Variants in EEA1 observed in about 807,000 individuals in gnomAD.
The protein encoded by EEA1 is early endosome antigen 1.
Under a neutral mutation model 209.2 loss-of-function variants are expected in EEA1, and 111 were observed. The ratio of observed to expected loss-of-function variants is 0.53; its 90% CI spans 0.45 to 0.62. EEA1 has a LOEUF of 0.62. EEA1 is among the 20% of genes least tolerant of loss of function. The pLI, the probability that EEA1 is intolerant of heterozygous loss-of-function variation, is 0.00. For missense variants in EEA1, 1,343 were observed against 1,530.8 expected (o/e 0.88, Z 2.05); for synonymous variants, 536 against 540.6 (o/e 0.99, Z 0.12).
chr12:92,852,345 T>C (rs774715954), intron 7 of EEA1, 49 bp from the exon 8 acceptor site: 23 of 1,368,880 alleles, frequency 1.7e-5, no homozygotes, highest in Non-Finnish European at 2.1e-5. Context: ...AGGACAGTTT[T>C]ATAAGTTTCC....
chr12:92,892,922 G>A (rs556758311), intron 1 of EEA1, among the ~76,000 whole-genome samples: 78 of 152,230 alleles, frequency 5.1e-4, no homozygotes, highest in Non-Finnish European at 2.9e-4. Context: ...GAGCCACAGC[G>A]CCCAGCCGGC....
In EEA1 at chr12:92,816,326, C is replaced by G. The variant is rs1234456932; in HGVS notation, c.1803G>C (p.Gln601His). ...TAAGATGTGCCTTCTGCTCTTGTAC[C>G]TGGTCATGCAAATTCTCCTGGGCTT... ...HKQAQENLHD[Q>H]VQEQKAHLRA... The change falls in exon 15 of 29, where the codon CAG (glutamine) becomes CAC (histidine). Residue 601 changes from glutamine (Q) to histidine (H), a missense_variant. By Grantham distance (24) the Gln-to-His change is conservative. This residue lies in a region of EEA1 where 1,307 missense variants were observed against 1,465.5 expected (regional missense o/e 0.89). Transcript: ENST00000322349. The G allele has an allele frequency of 6.2e-7, 1 of 1,613,930 alleles. No homozygotes were observed. Among genetic ancestry groups the G allele is most frequent in the South Asian group, 1.1e-5 (1 of 91,078 alleles).
intron 18 of EEA1, among the ~76,000 whole-genome samples, chr12:92,807,304 A>G (rs781657452): frequency 1.3e-5 from 2 of 152,148 alleles, no homozygotes; most frequent in Non-Finnish European, 2.9e-5. Flanking sequence ...TCAATCTGAT[A>G]AAGGGAATCT....
Position 92,929,041 on chromosome 12 carries a change from A to G in EEA1, c.24+2T>C. ...GCCAGAAAGACGGTTTCACTCTCTTACCCTCTGTAAAATCCTCCTTAACAT... is the reference window on the plus strand; with the variant it reads ...GCCAGAAAGACGGTTTCACTCTCTTGCCCTCTGTAAAATCCTCCTTAACAT... On this transcript the variant is annotated splice_donor_variant, in intron 1 of 28. Transcript: ENST00000322349. LOFTEE classifies it high-confidence loss of function. The G allele has an allele frequency of 6.3e-7, 1 of 1,596,268 alleles. No individual in the cohort carries two copies. The highest frequency in any genetic ancestry group is 8.5e-7 in the Non-Finnish European group (1 of 1,172,124).
chr12:92,883,847 C>G, intron 2 of EEA1: 1 of 1,603,240 alleles, frequency 6.2e-7, no homozygotes, highest in Middle Eastern at 2.3e-4. Context: ...AGCTTTAAAA[C>G]AACCGATGAG....
intron 10 of EEA1, among the ~76,000 whole-genome samples, chr12:92,835,857 C>T (rs911201445): frequency 1.3e-5 from 2 of 152,126 alleles, no homozygotes; most frequent in African/African-American, 4.8e-5. Context: ...AGTACCGAAA[C>T]CACTTTCTTT....
At chr12:92,913,172 C>T (rs2264422) in intron 1 of EEA1, among the ~76,000 whole-genome samples, 93,860 of 152,062 alleles carry the variant, frequency 0.62, 29,731 homozygotes, top group East Asian at 0.94. Context: ...AATGTATGGG[C>T]ATTCCCTTTT....
rs983735247 is a variant in EEA1, at chr12:92,817,267, T to C, written c.1729-867A>G. Among the ~76,000 whole-genome samples, 5 of 145,948 alleles carry C rather than the reference T, an allele frequency of 3.4e-5. No homozygotes were observed. In the East Asian group the frequency reaches 7.7e-4, roughly 22 times the overall value. On this transcript the variant is annotated intron_variant, in intron 14 of 28. Transcript: ENST00000322349. ...GCCTTGTCTTTTACGTTCACTGATA[T>C]TGCTTTCTACTTGCTTAATCTATTA... is the stretch of plus-strand genomic sequence containing the variant.
chr12:92,816,632 A>G (rs1565820205), intron 14 of EEA1, among the ~76,000 whole-genome samples: 1 of 152,236 alleles, frequency 6.6e-6, no homozygotes, highest in East Asian at 1.9e-4. Flanking sequence ...GCTGTAAGTT[A>G]TATAAAATTC....
rs761012125 is a variant in EEA1 at position 92,802,547 on chromosome 12, T to C, written c.2527A>G (p.Lys843Glu). 6.2e-7 allele frequency: 1 copy of C among 1,601,194 alleles called. No homozygotes were observed. Among genetic ancestry groups the C allele is most frequent in the Admixed American group, 1.8e-5 (1 of 56,678 alleles). Residue 843 changes from lysine (K) to glutamate (E), a missense_variant, in exon 19 of 29, where the codon AAA (lysine) becomes GAA (glutamate). Lys to Glu is a moderately conservative substitution (Grantham distance 56). This residue lies in a region of EEA1 where 1,307 missense variants were observed against 1,465.5 expected (regional missense o/e 0.89). Transcript: ENST00000322349. Reference sequence around the variant, plus strand: ...AAAGCTTCTTTCTCCATTTTCACTTTTTGTAGTTCTGTTACTGTTGTTTGA... The same window carrying C: ...AAAGCTTCTTTCTCCATTTTCACTTCTTGTAGTTCTGTTACTGTTGTTTGA... ...RIQTTVTELQ[K>E]VKMEKEALMT...
chr12:92,858,355 A>G, intron 3 of EEA1: 1 of 864,604 alleles, frequency 1.2e-6, no homozygotes, highest in Non-Finnish European at 2.0e-6. Context: ...CACATTGGAT[A>G]TGATGATTCT....
At chr12:92,801,930 C>T (rs1301068957) in intron 19 of EEA1, among the ~76,000 whole-genome samples, 1 of 151,888 alleles carries the variant, frequency 6.6e-6, no homozygotes, top group Non-Finnish European at 1.5e-5. Context: ...GTCACAATGG[C>T]ATATTTTAAA....
chr12:92,799,163 A>G (rs1057064060), intron 20 of EEA1, 77 bp from the exon 21 acceptor site: 11 of 1,256,508 alleles, frequency 8.8e-6, no homozygotes, highest in Non-Finnish European at 1.2e-5. Flanking sequence ...AGAAAAAAAA[A>G]TCTATTTAGC....
chr12:92,836,725 T>C (rs1381222176), intron 10 of EEA1, among the ~76,000 whole-genome samples: 1 of 152,206 alleles, frequency 6.6e-6, no homozygotes, highest in Non-Finnish European at 1.5e-5. Flanking sequence ...TAAAAAGTTA[T>C]GTTTTATACA....
intron 1 of EEA1, among the ~76,000 whole-genome samples, chr12:92,912,015 G>A (rs960808455): frequency 4.6e-5 from 7 of 152,048 alleles, no homozygotes; most frequent in Admixed American, 1.3e-4. Flanking sequence ...GGTTGATATC[G>A]AAAAGTTCTT....
Position 92,858,496 on chromosome 12 carries a change from T to C in EEA1, c.246-1011A>G, listed in dbSNP as rs745618836. The C allele has an allele frequency of 8.5e-6, 8 of 938,520 alleles. No homozygotes were observed. The East Asian group carries it at 1.7e-4, about 20-fold the overall frequency. 58.1% of individuals were successfully genotyped at this position (938,520 alleles called of 1,614,324 possible). On this transcript the variant is annotated intron_variant, in intron 3 of 28. Coordinates refer to ENST00000322349, the MANE Select transcript of EEA1 (RefSeq NM_003566.4). ...GGTGTTGGAGACCAGGGCTTGATGT[T>C]TGGCTACGCCACTGATGAAACTGAG...
chr12:92,871,967 G>A (rs987772853), intron 2 of EEA1, among the ~76,000 whole-genome samples: 6 of 152,022 alleles, frequency 3.9e-5, no homozygotes, highest in East Asian at 1.9e-4. Flanking sequence ...TGCCATCTCC[G>A]CCTCCGGGGT....
At chr12:92,786,379 T>C (rs779695524) in intron 22 of EEA1, among the ~76,000 whole-genome samples, 2 of 152,288 alleles carry the variant, frequency 1.3e-5, no homozygotes, top group African/African-American at 2.4e-5. Flanking sequence ...ATAATAATAA[T>C]TTAACACTAC....
chr12:92,871,236 G>A (rs923040436), intron 2 of EEA1, among the ~76,000 whole-genome samples: 5 of 151,998 alleles, frequency 3.3e-5, no homozygotes, highest in South Asian at 2.1e-4. Flanking sequence ...GAGAAACCAC[G>A]CAGACTTCCC....
Sources: allele counts gnomAD v4.1 joint callset (sites outside exome capture counted in the v4.1 genomes callset), GRCh38; gene constraint gnomAD v4.1.1; regional missense constraint gnomAD v4.1.1; transcripts MANE v1.5; gene names NCBI Gene and HGNC (gene_info 2026-07-23, HGNC 2026-07-21).